Variants in FOXP1 observed in about 807,000 individuals in gnomAD.
FOXP1 encodes forkhead box P1.
Under a neutral mutation model 98.2 loss-of-function variants are expected in FOXP1, and 15 were observed. The observed-to-expected ratio is 0.15, with a 90% CI of 0.10 to 0.24. The LOEUF is 0.24. FOXP1 is among the 10% of genes least tolerant of loss of function. FOXP1 has a pLI of 1.00. For missense variants in FOXP1, 633 were observed against 848.5 expected, an observed-to-expected ratio of 0.75 and a Z score of 3.15; for synonymous variants, 371 against 314.5, an observed-to-expected ratio of 1.18 and a Z score of -1.90.
intron 6 of FOXP1, among the ~76,000 whole-genome samples, chr3:71,113,982 A>G (rs1010909511): frequency 3.9e-5 from 6 of 152,172 alleles, no homozygotes; most frequent in African/African-American, 1.2e-4. Context: ...GAATGTACAC[A>G]TGGCAGAGAT....
At chr3:71,078,815 T>A (rs1158736619) in intron 7 of FOXP1, among the ~76,000 whole-genome samples, 1 of 151,936 alleles carries the variant, frequency 6.6e-6, no homozygotes, top group Non-Finnish European at 1.5e-5. Flanking sequence ...CAGCCCAGAC[T>A]TCATTGGAGC....
intron 11 of FOXP1, among the ~76,000 whole-genome samples, chr3:71,025,229 CTGGG>C (rs1279324550): frequency 6.6e-6 from 1 of 152,114 alleles, no homozygotes; most frequent in East Asian, 1.9e-4. Flanking sequence ...AAAACTGTGT[CTGGG>C]GAAAAGGGCA....
chr3:71,311,576 T>G (rs192244265), intron 4 of FOXP1, among the ~76,000 whole-genome samples: 4 of 152,348 alleles, frequency 2.6e-5, no homozygotes, highest in Admixed American at 2.0e-4. Flanking sequence ...AGAGAAGTCC[T>G]TGAATGGCTC....
rs1484997679 is a variant in FOXP1 at position 71,427,102 on chromosome 3, A to G, written c.-168+66324T>C. 2.7e-4 allele frequency among the ~76,000 whole-genome samples: 40 copies of G among 150,378 alleles called. 1 individual carries two copies. Among genetic ancestry groups the G allele is most frequent in the Admixed American group, 2.6e-3 (40 of 15,122 alleles). On this transcript the variant is annotated intron_variant, in intron 3 of 20. Coordinates refer to ENST00000649528, the MANE Select transcript of FOXP1 (RefSeq NM_001349338.3). ...ATCAGATGCATTTTTTTTTTCATAT[A>G]ATCACCCCAATTTATGCTTTTATGT...
intron 6 of FOXP1, among the ~76,000 whole-genome samples, chr3:71,184,591 G>A (rs1232529877): frequency 1.3e-5 from 2 of 152,108 alleles, no homozygotes; most frequent in Non-Finnish European, 2.9e-5. Flanking sequence ...TTATTCCAGG[G>A]ACATACTGGG....
chr3:71,346,354 A>C (rs1049199427), intron 4 of FOXP1, among the ~76,000 whole-genome samples: 1 of 152,240 alleles, frequency 6.6e-6, no homozygotes, highest in Non-Finnish European at 1.5e-5. Context: ...GATTTAGCCA[A>C]GCAAACGTGG....
chr3:70,984,904 C>T (rs949364054), intron 14 of FOXP1, among the ~76,000 whole-genome samples: 1 of 152,074 alleles, frequency 6.6e-6, no homozygotes, highest in Non-Finnish European at 1.5e-5. Context: ...CCAGAAAATG[C>T]GTCTATGAGC....
chr3:71,410,709 T>G (rs994661040), intron 3 of FOXP1, among the ~76,000 whole-genome samples: 1 of 152,230 alleles, frequency 6.6e-6, no homozygotes, highest in African/African-American at 2.4e-5. Context: ...CTTAGAGGGA[T>G]GTATCATGGA....
chr3:71,177,275 G>A (rs1422873477), intron 6 of FOXP1, among the ~76,000 whole-genome samples: 1 of 152,194 alleles, frequency 6.6e-6, no homozygotes, highest in East Asian at 1.9e-4. Context: ...TTGCTTAAGA[G>A]TAAAATTAGG....
intron 6 of FOXP1, among the ~76,000 whole-genome samples, chr3:71,192,206 T>C (rs1277519249): frequency 6.6e-6 from 1 of 152,178 alleles, no homozygotes; most frequent in Non-Finnish European, 1.5e-5. Context: ...ATTGAGGGCA[T>C]TTCTAACAAA....
At chr3:71,092,305 G>C (rs2055958816) in intron 7 of FOXP1, among the ~76,000 whole-genome samples, 1 of 152,048 alleles carries the variant, frequency 6.6e-6, no homozygotes, top group Admixed American at 6.5e-5. Context: ...TGGTGAGTTA[G>C]GGAGGAGGTT....
At chr3:71,545,589 T>C (rs922160845) in intron 2 of FOXP1, among the ~76,000 whole-genome samples, 4 of 152,336 alleles carry the variant, frequency 2.6e-5, no homozygotes, top group South Asian at 2.1e-4. Context: ...ATATGCTCCT[T>C]AATGTTTGTT....
intron 6 of FOXP1, among the ~76,000 whole-genome samples, chr3:71,179,134 C>CTTT (rs34816512): frequency 0.22 from 26,832 of 124,580 alleles, 3,787 homozygotes; most frequent in Admixed American, 0.28. Flanking sequence ...TCTTAACAAT[C>CTTT]TTTTTTTTTT....
At chr3:71,098,221 T>C (rs997468850) in intron 7 of FOXP1, among the ~76,000 whole-genome samples, 4 of 152,246 alleles carry the variant, frequency 2.6e-5, no homozygotes, top group African/African-American at 9.6e-5. Context: ...CCTTCCTCCC[T>C]GCAAGTATAT....
At chr3:71,178,381 G>A (rs533384046) in intron 6 of FOXP1, among the ~76,000 whole-genome samples, 52 of 149,820 alleles carry the variant, frequency 3.5e-4, no homozygotes, top group Middle Eastern at 3.4e-3. Context: ...TAATCCACCC[G>A]CTTCGGTCTC....
At chr3:71,064,146 G>A (rs1424093926) in intron 7 of FOXP1, among the ~76,000 whole-genome samples, 1 of 152,188 alleles carries the variant, frequency 6.6e-6, no homozygotes, top group Non-Finnish European at 1.5e-5. Context: ...CTGCCAGAGT[G>A]TTCCATTCGC....
chr3:71,001,634 A>C (rs565837690), intron 12 of FOXP1, among the ~76,000 whole-genome samples: 1 of 152,144 alleles, frequency 6.6e-6, no homozygotes, highest in African/African-American at 2.4e-5. Flanking sequence ...TTAAAAGGAA[A>C]ACTCTGCCTG....
chr3:71,231,974 A>C (rs1406128820), intron 5 of FOXP1, among the ~76,000 whole-genome samples: 1 of 152,254 alleles, frequency 6.6e-6, no homozygotes, highest in Non-Finnish European at 1.5e-5. Context: ...GTACCTAAGA[A>C]AGAGTTATAC....
chr3:71,009,915 A>T (rs1192129467), intron 12 of FOXP1, among the ~76,000 whole-genome samples: 1 of 145,238 alleles, frequency 6.9e-6, no homozygotes, highest in African/African-American at 2.6e-5. Flanking sequence ...CACCCAGCTG[A>T]ATTTTTTTTT....
Sources: gnomAD v4.1 joint callset for allele counts (sites outside exome capture counted in the v4.1 genomes callset) on GRCh38, gnomAD v4.1.1 for gene constraint, MANE v1.5 for transcripts, NCBI Gene and HGNC (gene_info 2026-07-23, HGNC 2026-07-21) for gene names.